The following MIR2052HG variants were observed in gnomAD, a reference collection of about 807,000 sequenced individuals.
MIR2052HG encodes MIR2052 host gene.
chr8:74,656,897 C>G (rs1316010453), intron 2 of MIR2052HG, among the ~76,000 whole-genome samples: 3 of 152,168 alleles, frequency 2.0e-5, no homozygotes, highest in Non-Finnish European at 4.4e-5. Context: ...GGAGTCAGTA[C>G]TAAACACCTG....
intron 3 of MIR2052HG, chr8:74,703,554 C>G: frequency 2.5e-6 from 1 of 407,690 alleles, no homozygotes. Context: ...ACCCATCCCC[C>G]TTCATGATGG....
At chr8:74,754,094 T>C (rs1488829635) in intron 5 of MIR2052HG, among the ~76,000 whole-genome samples, 1 of 152,228 alleles carries the variant, frequency 6.6e-6, no homozygotes, top group Admixed American at 6.5e-5. Flanking sequence ...CAAGTTTCTA[T>C]GCGCTGCATT....
intron 5 of MIR2052HG, chr8:74,756,806 C>G (rs536304799): frequency 6.6e-6 from 1 of 152,236 alleles, no homozygotes; most frequent in Admixed American, 6.5e-5. Flanking sequence ...ATATGTGTTG[C>G]CTTTTCTGAC....
At chr8:74,601,950 T>G (rs1310961043) in intron 1 of MIR2052HG, among the ~76,000 whole-genome samples, 1 of 152,226 alleles carries the variant, frequency 6.6e-6, no homozygotes, top group African/African-American at 2.4e-5. Context: ...ATTTTAGAAC[T>G]TCTACTCTAG....
chr8:74,682,363 A>T (rs1809134923), intron 2 of MIR2052HG, among the ~76,000 whole-genome samples: 1 of 152,096 alleles, frequency 6.6e-6, no homozygotes. Context: ...AAACGTTAAA[A>T]CCTGAAAAGT....
chr8:74,642,656 A>G (rs752412822), intron 2 of MIR2052HG, among the ~76,000 whole-genome samples: 22 of 152,182 alleles, frequency 1.4e-4, no homozygotes, highest in Non-Finnish European at 2.5e-4. Flanking sequence ...AGAAGGCAGT[A>G]CCACCAAGAA....
chr8:74,728,597 A>C (rs1809659071), intron 4 of MIR2052HG, among the ~76,000 whole-genome samples: 1 of 152,152 alleles, frequency 6.6e-6, no homozygotes, highest in Admixed American at 6.6e-5. Flanking sequence ...CTAAGGATTA[A>C]GTATAGGGGC....
chr8:74,669,166 A>G (rs1259855877), intron 2 of MIR2052HG, among the ~76,000 whole-genome samples: 1 of 152,214 alleles, frequency 6.6e-6, no homozygotes. Flanking sequence ...CTTGATTTTT[A>G]CGCCAAAATC....
chr8:74,740,673 A>T (rs1809816228), intron 4 of MIR2052HG, among the ~76,000 whole-genome samples: 1 of 152,214 alleles, frequency 6.6e-6, no homozygotes, highest in African/African-American at 2.4e-5. Context: ...ATAGCTTATT[A>T]AGTACATGAT....
intron 4 of MIR2052HG, among the ~76,000 whole-genome samples, chr8:74,746,725 T>C (rs577615762): frequency 9.9e-5 from 15 of 151,956 alleles, no homozygotes; most frequent in African/African-American, 3.4e-4. Flanking sequence ...AGGAGCTTAA[T>C]TTAGGATCAA....
chr8:74,673,987 G>T, intron 2 of MIR2052HG, among the ~76,000 whole-genome samples: 1 of 149,580 alleles, frequency 6.7e-6, no homozygotes, highest in Non-Finnish European at 1.5e-5. Context: ...TGTGCCCAGA[G>T]AAGCCTTTTT....
chr8:74,688,862 C>T (rs1348918856), intron 2 of MIR2052HG, among the ~76,000 whole-genome samples: 1 of 152,034 alleles, frequency 6.6e-6, no homozygotes, highest in African/African-American at 2.4e-5. Flanking sequence ...ATTTTTATGC[C>T]TTTGCATTTT....
intron 2 of MIR2052HG, among the ~76,000 whole-genome samples, chr8:74,621,720 C>T (rs1012460955): frequency 6.6e-6 from 1 of 152,176 alleles, no homozygotes; most frequent in African/African-American, 2.4e-5. Flanking sequence ...TGTGGGGACA[C>T]AGAGCCAAAC....
At chr8:74,749,557 A>G (rs1040182981) in intron 4 of MIR2052HG, among the ~76,000 whole-genome samples, 3 of 152,180 alleles carry the variant, frequency 2.0e-5, no homozygotes, top group African/African-American at 7.2e-5. Context: ...GTGACATTAA[A>G]TAAGCTTCGT....
chr8:74,721,583 G>A (rs776809282), intron 4 of MIR2052HG, among the ~76,000 whole-genome samples: 26 of 152,156 alleles, frequency 1.7e-4, no homozygotes, highest in Admixed American at 5.9e-4. Flanking sequence ...GCTTTCATCT[G>A]TCAGGGACTC....
intron 1 of MIR2052HG, among the ~76,000 whole-genome samples, chr8:74,610,729 G>A (rs956046412): frequency 4.6e-5 from 7 of 151,980 alleles, no homozygotes; most frequent in Non-Finnish European, 8.8e-5. Context: ...CAATTCAGTG[G>A]AGAACAGATA....
At chr8:74,601,214 C>T (rs1807995317) in intron 1 of MIR2052HG, among the ~76,000 whole-genome samples, 1 of 152,196 alleles carries the variant, frequency 6.6e-6, no homozygotes, top group Non-Finnish European at 1.5e-5. Context: ...TTCTTAAATT[C>T]ATAGTCCACT....
intron 2 of MIR2052HG, among the ~76,000 whole-genome samples, chr8:74,623,489 G>C (rs569949365): frequency 1.9e-4 from 29 of 152,212 alleles, no homozygotes; most frequent in African/African-American, 6.5e-4. Flanking sequence ...AACGTCAACT[G>C]TTCAGAACTT....
intron 5 of MIR2052HG, among the ~76,000 whole-genome samples, chr8:74,755,093 G>A (rs1408798632): frequency 6.6e-6 from 1 of 152,164 alleles, no homozygotes; most frequent in Non-Finnish European, 1.5e-5. Flanking sequence ...ACTCCCACCC[G>A]AAACTTTACA....
Sources: gnomAD v4.1 joint callset for allele counts (sites outside exome capture counted in the v4.1 genomes callset) on GRCh38, gnomAD v4.1.1 for gene constraint, MANE v1.5 for transcripts, NCBI Gene and HGNC (gene_info 2026-07-23, HGNC 2026-07-21) for gene names.